The following IP6K1 variants were observed in gnomAD, a reference collection of about 807,000 sequenced individuals.
IP6K1 encodes inositol hexakisphosphate kinase 1.
IP6K1 carries 13 observed loss-of-function variants against 38.3 expected under a neutral mutation model. That is an observed-to-expected ratio of 0.34 (90% CI 0.22 to 0.54). The LOEUF is 0.54. IP6K1 is among the 20% of genes least tolerant of loss of function. The probability of loss-of-function intolerance (pLI) is 0.92; values close to 1 mark genes in which losing one functional copy is unlikely to be tolerated. For synonymous variants in IP6K1, 212 were observed against 229.9 expected (o/e 0.92, Z 0.70); for missense variants, 397 against 599.8 (o/e 0.66, Z 3.53).
chr3:49,776,099 T>C (rs142684681), intron 1 of IP6K1, among the ~76,000 whole-genome samples: 22 of 152,058 alleles, frequency 1.4e-4, no homozygotes, highest in African/African-American at 3.6e-4. Flanking sequence ...ACTTGCGCTA[T>C]TGTCATGTTA....
chr3:49,728,029 G>A, intron 5 of IP6K1, 74 bp downstream of exon 5: 1 of 1,461,756 alleles, frequency 6.8e-7, no homozygotes, highest in Non-Finnish European at 9.4e-7. Flanking sequence ...ACTTGGCATA[G>A]ATGGCAGGCA....
intron 1 of IP6K1, among the ~76,000 whole-genome samples, chr3:49,750,407 G>A (rs753703100): frequency 6.6e-6 from 1 of 152,130 alleles, no homozygotes; most frequent in African/African-American, 2.4e-5. Flanking sequence ...GAGAGTCAAG[G>A]AAATAGGCCG....
chr3:49,752,867 C>T (rs1417847272), intron 1 of IP6K1, among the ~76,000 whole-genome samples: 1 of 151,722 alleles, frequency 6.6e-6, no homozygotes, highest in Non-Finnish European at 1.5e-5. Flanking sequence ...AATTCCCATG[C>T]CTCAGCCTCC....
At chr3:49,781,314 T>G (rs2081063610) in intron 1 of IP6K1, among the ~76,000 whole-genome samples, 1 of 152,190 alleles carries the variant, frequency 6.6e-6, no homozygotes. Context: ...CCACCCGCTG[T>G]GGCCTCCCAA....
chr3:49,738,998 A>G (rs1406190768), intron 2 of IP6K1, among the ~76,000 whole-genome samples: 1 of 152,176 alleles, frequency 6.6e-6, no homozygotes, highest in Non-Finnish European at 1.5e-5. Context: ...TGTATCCGTA[A>G]TAGTTTTTTG....
chr3:49,755,761 AAT>A (rs2080817607), intron 1 of IP6K1, among the ~76,000 whole-genome samples: 1 of 152,230 alleles, frequency 6.6e-6, no homozygotes, highest in East Asian at 1.9e-4. Context: ...CACCTTCAAG[AAT>A]CACAGACAAA....
intron 2 of IP6K1, among the ~76,000 whole-genome samples, chr3:49,742,391 T>C (rs1164798510): frequency 1.3e-5 from 2 of 151,704 alleles, no homozygotes; most frequent in Non-Finnish European, 2.9e-5. Flanking sequence ...CTACTAAAAA[T>C]ACAAAAAATT....
At chr3:49,771,447 G>C (rs570595376) in intron 1 of IP6K1, among the ~76,000 whole-genome samples, 1 of 152,134 alleles carries the variant, frequency 6.6e-6, no homozygotes, top group Non-Finnish European at 1.5e-5. Context: ...TACAGGAAAA[G>C]GTGCTCAATA....
At chr3:49,775,814 T>C (rs189237609) in intron 1 of IP6K1, among the ~76,000 whole-genome samples, 1 of 152,260 alleles carries the variant, frequency 6.6e-6, no homozygotes, top group East Asian at 1.9e-4. Flanking sequence ...CAGAGCACTC[T>C]GGCACACTGT....
Position 49,749,830 on chromosome 3 carries a change from C to CT in IP6K1, c.-128-1663dup, listed in dbSNP as rs35363121. 3.4e-3 allele frequency among the ~76,000 whole-genome samples: 374 copies of CT among 109,628 alleles called. 1 individual carries two copies. The highest frequency in any genetic ancestry group is 9.0e-3 in the Middle Eastern group (2 of 222). The allele number at this position is 109,628 out of a possible 152,430, so 71.9% of individuals were successfully genotyped here. On this transcript the variant is annotated intron_variant, in intron 1 of 5. Transcript: ENST00000321599. ...GCACTATTTTAATGCACATACACTT[C>CT]TTTTTTTTTTTTTTTTTTGCCTAGT... is the stretch of plus-strand genomic sequence containing the variant.
At chr3:49,742,008 G>C (rs544894188) in intron 2 of IP6K1, among the ~76,000 whole-genome samples, 1 of 152,208 alleles carries the variant, frequency 6.6e-6, no homozygotes, top group African/African-American at 2.4e-5. Flanking sequence ...GAGGTCAGGA[G>C]TTTGAGTCTG....
chr3:49,772,396 T>C (rs891661041), intron 1 of IP6K1, among the ~76,000 whole-genome samples: 6 of 150,472 alleles, frequency 4.0e-5, no homozygotes, highest in Non-Finnish European at 3.0e-5. Flanking sequence ...ATTGTCTTCT[T>C]ATATTCTAGA....
chr3:49,784,925 C>G (rs975795684), intron 1 of IP6K1, among the ~76,000 whole-genome samples: 1 of 151,942 alleles, frequency 6.6e-6, no homozygotes, highest in Non-Finnish European at 1.5e-5. Context: ...AGCCTGGCAA[C>G]GGAGCAAGAC....
chr3:49,752,409 A>T (rs1021201475), intron 1 of IP6K1, among the ~76,000 whole-genome samples: 1 of 151,474 alleles, frequency 6.6e-6, no homozygotes, highest in African/African-American at 2.4e-5. Context: ...AATGGCGTGG[A>T]ACCTGGGAGG....
At chr3:49,743,455 G>T (rs943282932) in intron 2 of IP6K1, among the ~76,000 whole-genome samples, 1 of 151,894 alleles carries the variant, frequency 6.6e-6, no homozygotes, top group African/African-American at 2.4e-5. Flanking sequence ...CAAGGTGGGA[G>T]GATTCCTTGA....
intron 3 of IP6K1, among the ~76,000 whole-genome samples, chr3:49,733,924 G>A (rs930623250): frequency 6.6e-6 from 1 of 152,178 alleles, no homozygotes; most frequent in Non-Finnish European, 1.5e-5. Flanking sequence ...GAGCCCAGGT[G>A]TTCAAGACCA....
chr3:49,754,953 C>T (rs950243118), intron 1 of IP6K1, among the ~76,000 whole-genome samples: 14 of 147,280 alleles, frequency 9.5e-5, no homozygotes, highest in Non-Finnish European at 1.9e-4. Flanking sequence ...GACAGGGTCT[C>T]ACACTGTTGT....
intron 1 of IP6K1, chr3:49,786,118 C>T (rs761221919): frequency 1.3e-5 from 2 of 152,322 alleles, no homozygotes. Context: ...TTTCCCGCTA[C>T]TAGCCGGCCA....
intron 2 of IP6K1, among the ~76,000 whole-genome samples, chr3:49,741,310 A>G (rs2080667113): frequency 6.6e-6 from 1 of 152,156 alleles, no homozygotes; most frequent in Non-Finnish European, 1.5e-5. Flanking sequence ...ATCCTTGCCA[A>G]CAGTTATTTC....
Sources: allele counts gnomAD v4.1 joint callset (sites outside exome capture counted in the v4.1 genomes callset), GRCh38; gene constraint gnomAD v4.1.1; transcripts MANE v1.5; gene names NCBI Gene and HGNC (gene_info 2026-07-23, HGNC 2026-07-21).